Variants in PCDHGA7 observed in about 807,000 individuals in gnomAD.
PCDHGA7 encodes protocadherin gamma-A7.
A neutral mutation model predicts 58.3 loss-of-function variants in PCDHGA7; 44 were observed. The ratio of observed to expected loss-of-function variants is 0.75; its 90% CI spans 0.59 to 0.97. The LOEUF is 0.97. Ranked by LOEUF, PCDHGA7 falls within the 50% of genes least tolerant of loss-of-function variation. The probability of loss-of-function intolerance (pLI) is 0.00; values close to 1 mark genes in which losing one functional copy is unlikely to be tolerated. For synonymous variants in PCDHGA7, 516 were observed against 504.2 expected, an observed-to-expected ratio of 1.02 and a Z score of -0.31; for missense variants, 1,266 against 1,188.7, an observed-to-expected ratio of 1.06 and a Z score of -0.96.
At position 141,490,558 on chromosome 5, in the gene PCDHGA7, A is replaced by G. The variant is rs765890709; in HGVS notation, c.2425-4249A>G. 3.1e-5 allele frequency: 50 copies of G among 1,614,042 alleles called. No individual in the cohort carries two copies. The East Asian group carries it at 1.0e-3, about 34-fold the overall frequency. ...ACCTTCCCTACACAAACATCTCACC[A>G]TCAGGCTCAACATTTCAGATGTCAA... On this transcript the variant is annotated intron_variant, in intron 1 of 3. Transcript: ENST00000518325. This position sits in a 1 kb window ranked among gnomAD's most constrained non-coding sequence, Gnocchi z 5.4.
chr5:141,422,359 G>A, intron 1 of PCDHGA7: 1 of 1,558,858 alleles, frequency 6.4e-7, no homozygotes, highest in Non-Finnish European at 8.6e-7. Flanking sequence ...TCAAGATTCT[G>A]GAGAAAATGG....
intron 1 of PCDHGA7, chr5:141,423,526 A>G (rs1229909527): frequency 6.2e-7 from 1 of 1,613,690 alleles, no homozygotes; most frequent in Non-Finnish European, 8.5e-7. Flanking sequence ...CTCGCAGAAG[A>G]GTCACCTGAT....
chr5:141,500,839 G>A (rs2099802871), intron 2 of PCDHGA7, among the ~76,000 whole-genome samples: 1 of 151,906 alleles, frequency 6.6e-6, no homozygotes, highest in African/African-American at 2.4e-5. Flanking sequence ...ATGCTAATGG[G>A]CTTTTGCTAC....
rs778198822 is a variant in PCDHGA7 at position 141,432,802 on chromosome 5, A to G, written c.2424+47479A>G. 29 of 1,613,964 alleles carry G rather than the reference A, an allele frequency of 1.8e-5. No individual in the cohort carries two copies. The African/African-American group carries it at 3.6e-4, about 20-fold the overall frequency. On this transcript the variant is annotated intron_variant, in intron 1 of 3. Coordinates refer to ENST00000518325, the MANE Select transcript of PCDHGA7 (RefSeq NM_018920.4). This position sits in a 1 kb window ranked among gnomAD's most constrained non-coding sequence, Gnocchi z 6.0. ...CGGACCTCGGCAGCCTCGAGTCTCC[A>G]GCTAACTCTGAAACCTCAGACCTCA...
At chr5:141,480,195 G>A (rs1350891459) in intron 1 of PCDHGA7, among the ~76,000 whole-genome samples, 1 of 151,182 alleles carries the variant, frequency 6.6e-6, no homozygotes, top group Non-Finnish European at 1.5e-5. Context: ...CTTGAGGCCA[G>A]CAGTTCAAGA....
intron 1 of PCDHGA7, chr5:141,422,210 T>C: frequency 6.4e-7 from 1 of 1,562,390 alleles, no homozygotes; most frequent in South Asian, 1.2e-5. Flanking sequence ...GGTGGAGGTC[T>C]CTTTACCACC....
intron 1 of PCDHGA7, among the ~76,000 whole-genome samples, chr5:141,468,130 G>C (rs1312004369): frequency 6.6e-6 from 1 of 151,878 alleles, no homozygotes; most frequent in Admixed American, 6.6e-5. Context: ...TTTGAGACCA[G>C]CCTGGCCAAC....
At chr5:141,389,745 A>G in intron 1 of PCDHGA7, 1 of 1,612,748 alleles carries the variant, frequency 6.2e-7, no homozygotes, top group Non-Finnish European at 8.5e-7. Context: ...GGGGCTGCGC[A>G]CGGGCGAAGT....
Position 141,512,288 on chromosome 5 carries a change from TCAGCGGAGCCCCAGCAGGAAGGGTGGGC to T in PCDHGA7, c.*1120_*1147del, listed in dbSNP as rs1375137843. The T allele has an allele frequency of 6.5e-6, 1 of 152,680 alleles. No individual in the cohort carries two copies. Among genetic ancestry groups the T allele is most frequent in the Non-Finnish European group, 1.5e-5 (1 of 68,182 alleles). The allele number at this position is 152,680 out of a possible 1,614,324, so 9.5% of individuals were successfully genotyped here. ...TCCAGAGGTGCCACTGGTGGAAGGG[TCAGCGGAGCCCCAGCAGGAAGGGTGGGC>T]CAGCCAGGCCATTCTTAGTCCCTGG... On this transcript the variant is annotated 3_prime_UTR_variant, in exon 4 of 4. Coordinates refer to ENST00000518325, the MANE Select transcript of PCDHGA7 (RefSeq NM_018920.4).
chr5:141,398,675 A>G (rs1462726875), intron 1 of PCDHGA7: 10 of 1,613,974 alleles, frequency 6.2e-6, no homozygotes, highest in East Asian at 2.2e-5. Context: ...TTAATAATTA[A>G]GGAGAAACAG....
intron 1 of PCDHGA7, chr5:141,410,343 G>A (rs890241182): frequency 6.2e-7 from 1 of 1,613,964 alleles, no homozygotes; most frequent in Non-Finnish European, 8.5e-7. Flanking sequence ...ATTGCCTTGC[G>A]CCTGCGACGC....
In PCDHGA7 at chr5:141,486,172, T is replaced by C; in HGVS notation, c.2425-8635T>C. ...GGGGTTCTCCAGCCATGGAGCAACA[T>C]TGCAGCCTTCGAGTGGATCTGCTGG... On this transcript the variant is annotated intron_variant, in intron 1 of 3. Transcript: ENST00000518325. The surrounding 1 kb of genome is among the most constrained non-coding windows in gnomAD (Gnocchi z 5.0). 3 of 1,614,212 alleles carry C rather than the reference T, an allele frequency of 1.9e-6. No homozygotes were observed. Among genetic ancestry groups the C allele is most frequent in the Admixed American group, 1.7e-5 (1 of 60,036 alleles).
intron 1 of PCDHGA7, among the ~76,000 whole-genome samples, chr5:141,448,378 A>G (rs1288817591): frequency 6.6e-6 from 1 of 152,154 alleles, no homozygotes; most frequent in East Asian, 1.9e-4. Context: ...ATTTTTGAAT[A>G]GGAAATACAT....
intron 1 of PCDHGA7, among the ~76,000 whole-genome samples, chr5:141,452,267 G>C (rs995249228): frequency 1.3e-5 from 2 of 151,882 alleles, no homozygotes; most frequent in Non-Finnish European, 2.9e-5. Context: ...TCATTTTCTT[G>C]AACCCTTTCT....
Position 141,490,369 on chromosome 5 carries a change from C to T in PCDHGA7, c.2425-4438C>T, listed in dbSNP as rs201347968. On this transcript the variant is annotated intron_variant, in intron 1 of 3. Transcript: ENST00000518325. This position sits in a 1 kb window ranked among gnomAD's most constrained non-coding sequence, Gnocchi z 5.4. ...AGTGGGGTTGTTTAATGTGCGAGAC[C>T]GGGACTCAGGTAGAAATGGTGAAGT... The T allele has an allele frequency of 4.0e-5, 64 of 1,614,090 alleles. No individual in the cohort carries two copies. In the Admixed American group the frequency reaches 6.0e-4, roughly 15 times the overall value.
chr5:141,510,984 C>G lies in PCDHGA7; in HGVS notation c.2610C>G (p.Ala870=). ...ADGSSTLGGG[A]GTMGLSARYG... ...GGAGCTCCACCCTGGGAGGGGGTGC[C>G]GGCACCATGGGATTGAGCGCCCGCT... The change falls in exon 4 of 4, where the codon GCC becomes GCG. Residue 870 remains alanine (A), a synonymous_variant. Transcript: ENST00000518325. The G allele has an allele frequency of 1.2e-6, 2 of 1,614,162 alleles. No homozygotes were observed. The highest frequency in any genetic ancestry group is 1.7e-6 in the Non-Finnish European group (2 of 1,180,012).
chr5:141,431,702 T>C lies in PCDHGA7; in HGVS notation c.2424+46379T>C, dbSNP rs1349630251. The C allele has an allele frequency of 5.6e-6, 9 of 1,614,110 alleles. No individual in the cohort carries two copies. In the East Asian group the frequency reaches 8.9e-5, roughly 16 times the overall value. Reference sequence around the variant, plus strand: ...GTTGGACCACGAGGAGTCAGGATTCTACCAGATGGAAGTGCAAGCAATGGA... The same window carrying C: ...GTTGGACCACGAGGAGTCAGGATTCCACCAGATGGAAGTGCAAGCAATGGA... On this transcript the variant is annotated intron_variant, in intron 1 of 3. Transcript: ENST00000518325. This position sits in a 1 kb window ranked among gnomAD's most constrained non-coding sequence, Gnocchi z 4.8.
At position 141,428,400 on chromosome 5, in the gene PCDHGA7, G is replaced by T. The variant is rs373595231; in HGVS notation, c.2424+43077G>T. 3 of 483,290 alleles carry T rather than the reference G, an allele frequency of 6.2e-6. No individual in the cohort carries two copies. The East Asian group carries it at 1.2e-4, about 20-fold the overall frequency. 29.9% of individuals were successfully genotyped at this position (483,290 alleles called of 1,614,324 possible). ...GATGCTCTTCCAGCCCCTCTGCCTGGGGTTGCTTTCACCCTGGTCTCTGTT... is the reference window on the plus strand; with the variant it reads ...GATGCTCTTCCAGCCCCTCTGCCTGTGGTTGCTTTCACCCTGGTCTCTGTT... On this transcript the variant is annotated intron_variant, in intron 1 of 3. Coordinates refer to ENST00000518325, the MANE Select transcript of PCDHGA7 (RefSeq NM_018920.4).
At chr5:141,404,196 C>T in intron 1 of PCDHGA7, 3 of 1,613,466 alleles carry the variant, frequency 1.9e-6, no homozygotes, top group Non-Finnish European at 1.7e-6. Context: ...CGAGAAAAAG[C>T]CTCAGAATAT....
Sources: gnomAD v4.1 joint callset for allele counts (sites outside exome capture counted in the v4.1 genomes callset) on GRCh38, gnomAD v4.1.1 for gene constraint, Gnocchi (gnomAD v3.1) non-coding constraint, MANE v1.5 for transcripts, NCBI Gene and HGNC (gene_info 2026-07-23, HGNC 2026-07-21) for gene names.